The following KMT2A variants were observed in gnomAD, a reference collection of about 807,000 sequenced individuals.
KMT2A encodes lysine methyltransferase 2A.
KMT2A carries 16 observed loss-of-function variants against 345.3 expected under a neutral mutation model. The ratio of observed to expected loss-of-function variants is 0.05; its 90% CI spans 0.03 to 0.07. The LOEUF (loss-of-function observed/expected upper bound fraction) is 0.07, where lower values mean the gene tolerates loss of function less well. Among genes scored for constraint, KMT2A ranks in the 10% least tolerant of loss-of-function variants. KMT2A has a pLI of 1.00. For synonymous variants in KMT2A, 1,599 were observed against 1,778.6 expected (o/e 0.90, Z 2.54); for missense variants, 3,272 against 4,841.6 (o/e 0.68, Z 9.62).
At chr11:118,462,226 TTACAGGTG>T (rs1387651303) in intron 1 of KMT2A, among the ~76,000 whole-genome samples, 2 of 152,144 alleles carry the variant, frequency 1.3e-5, no homozygotes, top group African/African-American at 4.8e-5. Flanking sequence ...AGTGCTGGGA[TTACAGGTG>T]TGAACCACCA....
Position 118,481,838 on chromosome 11 carries a change from C to T in KMT2A, c.3758C>T (p.Ala1253Val), listed in dbSNP as rs1950138277. 6.2e-7 allele frequency: 1 copy of T among 1,614,012 alleles called. No homozygotes were observed. The highest frequency in any genetic ancestry group is 8.5e-7 in the Non-Finnish European group (1 of 1,180,028). ...ACCCCATCAGCAAGAGAGGATCCTG[C>T]CCCAAAGAAAAGCAGTAGTGAGCCT... ...KPTPSAREDPAPKKSSSEPPP... is the reference protein window; with the variant it reads ...KPTPSAREDPVPKKSSSEPPP... The change falls in exon 7 of 36, where the codon GCC becomes GTC. Residue 1253 changes from alanine to valine, a missense_variant. This residue lies in a region of KMT2A where 168 missense variants were observed against 216.0 expected (regional missense o/e 0.78). Transcript: ENST00000534358.
chr11:118,471,726 C>G lies in KMT2A; in HGVS notation c.567C>G (p.Ile189Met). 2.5e-6 allele frequency: 4 copies of G among 1,606,786 alleles called. No individual in the cohort carries two copies. Among genetic ancestry groups the G allele is most frequent in the Non-Finnish European group, 3.4e-6 (4 of 1,178,180 alleles). The change falls in exon 3 of 36, where the codon ATC (isoleucine) becomes ATG (methionine). Residue 189 changes from isoleucine (I) to methionine (M), a missense_variant. Ile to Met is a conservative substitution (Grantham distance 10). Transcript: ENST00000534358. ...PRSGSDRNSA[I>M]LSDPSVFSPL... ...GTGGCTCTGACCGAAATTCAGCTAT[C>G]CTCTCAGATCCATCTGTGTTTTCCC... is the stretch of plus-strand genomic sequence containing the variant.
At position 118,484,448 on chromosome 11, in the gene KMT2A, G is replaced by A; in HGVS notation, c.4218+134G>A. ...TGAATAAGAACTCCCATTAGCAGGT[G>A]GGTTTAGCGCTGGGAGAGCTTTGGT... On this transcript the variant is annotated intron_variant, in intron 9 of 35. Coordinates refer to ENST00000534358, the MANE Select transcript of KMT2A (RefSeq NM_001197104.2). The surrounding 1 kb of genome is among the most constrained non-coding windows in gnomAD (Gnocchi z 4.1). The A allele has an allele frequency of 1.1e-6, 1 of 923,756 alleles. No homozygotes were observed. Among genetic ancestry groups the A allele is most frequent in the South Asian group, 1.7e-5 (1 of 58,906 alleles). 57.2% of individuals were successfully genotyped at this position (923,756 alleles called of 1,614,324 possible).
Position 118,520,563 on chromosome 11 carries a change from A to C in KMT2A, c.11430-239A>C, listed in dbSNP as rs1950938499. 2.0e-6 allele frequency: 1 copy of C among 502,826 alleles called. No individual in the cohort carries two copies. Among genetic ancestry groups the C allele is most frequent in the Admixed American group, 3.2e-5 (1 of 30,846 alleles). 31.1% of individuals were successfully genotyped at this position (502,826 alleles called of 1,614,324 possible). A position where few individuals can be genotyped will look rare whatever the true frequency, so the allele number is the denominator to read the frequency against. On this transcript the variant is annotated intron_variant, in intron 33 of 35. Coordinates refer to ENST00000534358, the MANE Select transcript of KMT2A (RefSeq NM_001197104.2). This position sits in a 1 kb window ranked among gnomAD's most constrained non-coding sequence, Gnocchi z 4.3. ...CTACTCAGCAGGCTGAGGCAAGAGA[A>C]TCGCTTGAACCCAGGAGGCGGAGGT... is the stretch of plus-strand genomic sequence containing the variant.
chr11:118,506,006 T>A lies in KMT2A; in HGVS notation c.10114T>A (p.Leu3372Met), dbSNP rs782106829. The change falls in exon 27 of 36, where the codon TTG becomes ATG. Residue 3372 changes from leucine to methionine, a missense_variant. Around this residue, in one of 27 missense-constraint regions of KMT2A, gnomAD observed 748 missense variants for 922.2 expected, o/e 0.81. Coordinates refer to ENST00000534358, the MANE Select transcript of KMT2A (RefSeq NM_001197104.2). ...PGHVTLTNPR[L>M]LGTPDIGSIS... ...ACACGTCACCTTAACCAACCCAAGG[T>A]TGCTTGGTACCCCAGATATTGGCTC... 4 of 1,614,176 alleles carry A rather than the reference T, an allele frequency of 2.5e-6. No homozygotes were observed. The South Asian group carries it at 4.4e-5, about 18-fold the overall frequency.
intron 1 of KMT2A, 91 bp from the exon 2 acceptor site, chr11:118,468,684 A>G: frequency 1.0e-6 from 1 of 976,718 alleles, no homozygotes; most frequent in Non-Finnish European, 1.6e-6. Flanking sequence ...ACTTTTCCAA[A>G]TTCATTTGTG....
chr11:118,514,325 C>A (rs1555050950), intron 31 of KMT2A, among the ~76,000 whole-genome samples: 1 of 152,218 alleles, frequency 6.6e-6, no homozygotes, highest in African/African-American at 2.4e-5. Context: ...TGGCGAGGTC[C>A]TCTTCAGCCG....
intron 4 of KMT2A, among the ~76,000 whole-genome samples, chr11:118,477,756 C>T (rs1950065875): frequency 6.6e-6 from 1 of 151,900 alleles, no homozygotes; most frequent in African/African-American, 2.4e-5. Flanking sequence ...ATCTGCCTGG[C>T]TCAGCCTCCC....
rs1555036247 is a variant in KMT2A at position 118,473,132 on chromosome 11, C to G, written c.1973C>G (p.Pro658Arg). 2 of 1,614,136 alleles carry G rather than the reference C, an allele frequency of 1.2e-6. No individual in the cohort carries two copies. Among genetic ancestry groups the G allele is most frequent in the Non-Finnish European group, 1.7e-6 (2 of 1,180,038 alleles). The change falls in exon 3 of 36, where the codon CCC becomes CGC. Residue 658 changes from proline (P) to arginine (R), a missense_variant. Physicochemically the swap from Pro to Arg is moderately radical, Grantham distance 103 (BLOSUM62 -2). Coordinates refer to ENST00000534358, the MANE Select transcript of KMT2A (RefSeq NM_001197104.2). The surrounding 1 kb of genome is among the most constrained non-coding windows in gnomAD (Gnocchi z 5.2). ...FDNFRPPPLT[P>R]EDVGFASGFS... ...AATTTCCGACCCCCTCCACTAACTC[C>G]CGAGGACGTTGGCTTTGCATCTGGT...
intron 3 of KMT2A, among the ~76,000 whole-genome samples, chr11:118,475,825 A>AT (rs1383900555): frequency 5.9e-5 from 9 of 152,220 alleles, no homozygotes; most frequent in Admixed American, 2.0e-4. Flanking sequence ...GATGGGACTT[A>AT]TTTTTAACAC....
At position 118,472,888 on chromosome 11, in the gene KMT2A, A is replaced by G. The variant is rs782733922; in HGVS notation, c.1729A>G (p.Ser577Gly). 1.2e-6 allele frequency: 2 copies of G among 1,613,974 alleles called. No individual in the cohort carries two copies. Among genetic ancestry groups the G allele is most frequent in the Non-Finnish European group, 8.5e-7 (1 of 1,179,980 alleles). ...TPPPPLQPAS[S>G]ISDHTPWLMP... Reference sequence around the variant, plus strand: ...ACCGCCACCACTGCAGCCAGCCTCCAGTATCTCTGACCACACACCTTGGCT... The same window carrying G: ...ACCGCCACCACTGCAGCCAGCCTCCGGTATCTCTGACCACACACCTTGGCT... Residue 577 changes from serine (S) to glycine (G), a missense_variant, in exon 3 of 36, where the codon AGT (serine) becomes GGT (glycine). By Grantham distance (56) the Ser-to-Gly change is moderately conservative. Around this residue, in one of 27 missense-constraint regions of KMT2A, gnomAD observed 180 missense variants for 190.7 expected, o/e 0.94. Coordinates refer to ENST00000534358, the MANE Select transcript of KMT2A (RefSeq NM_001197104.2).
chr11:118,466,178 T>A (rs1333801112), intron 1 of KMT2A, among the ~76,000 whole-genome samples: 1 of 151,896 alleles, frequency 6.6e-6, no homozygotes, highest in Non-Finnish European at 1.5e-5. Flanking sequence ...TAAATAATTT[T>A]AAAATTAGCT....
In KMT2A at chr11:118,468,826, C is replaced by G. The variant is rs1555034791; in HGVS notation, c.484C>G (p.Pro162Ala). Residue 162 changes from proline to alanine, a missense_variant, in exon 2 of 36, where the codon CCC (proline) becomes GCC (alanine). Transcript: ENST00000534358. ...GSDEEVRVRS[P>A]TRSPSVKTSP... Reference sequence around the variant, plus strand: ...AGATGAAGAAGTCAGAGTGCGAAGTCCCACAAGGTCTCCTTCAGGTACGGC... The same window carrying G: ...AGATGAAGAAGTCAGAGTGCGAAGTGCCACAAGGTCTCCTTCAGGTACGGC... The G allele has an allele frequency of 6.2e-7, 1 of 1,613,020 alleles. No individual in the cohort carries two copies.
In KMT2A at chr11:118,494,179, G is replaced by T; in HGVS notation, c.5179-109G>T. The T allele has an allele frequency of 3.0e-6, 2 of 658,554 alleles. No individual in the cohort carries two copies. Among genetic ancestry groups the T allele is most frequent in the Admixed American group, 2.5e-5 (1 of 39,958 alleles). 40.8% of individuals were successfully genotyped at this position (658,554 alleles called of 1,614,324 possible). On this transcript the variant is annotated intron_variant, in intron 16 of 35. Coordinates refer to ENST00000534358, the MANE Select transcript of KMT2A (RefSeq NM_001197104.2). This position sits in a 1 kb window ranked among gnomAD's most constrained non-coding sequence, Gnocchi z 5.8. Reference sequence around the variant, plus strand: ...GAGTATTATACCACATTAAAATAGGGTGTGAGTTTTCTGTTGGATCTCTGT... The same window carrying T: ...GAGTATTATACCACATTAAAATAGGTTGTGAGTTTTCTGTTGGATCTCTGT...
At position 118,522,305 on chromosome 11, in the gene KMT2A, C is replaced by T. The variant is rs1379130990; in HGVS notation, c.*133C>T. 2.3e-5 allele frequency: 18 copies of T among 767,528 alleles called. No homozygotes were observed. The highest frequency in any genetic ancestry group is 3.5e-5 in the African/African-American group (2 of 57,394). 47.5% of individuals were successfully genotyped at this position (767,528 alleles called of 1,614,324 possible). ...GAGGGGCCTCTGTGATGGCTGAGCT[C>T]TCTTATGTCCTATACTCACATCAGA... On this transcript the variant is annotated 3_prime_UTR_variant, in exon 36 of 36. Transcript: ENST00000534358. The surrounding 1 kb of genome is among the most constrained non-coding windows in gnomAD (Gnocchi z 5.4).
chr11:118,446,431 T>G (rs1425698983), intron 1 of KMT2A, among the ~76,000 whole-genome samples: 3 of 152,192 alleles, frequency 2.0e-5, no homozygotes, highest in African/African-American at 4.8e-5. Context: ...CCTCAGAAAC[T>G]GAGGCACAGA....
At chr11:118,508,399 T>G (rs374068637) in intron 28 of KMT2A, among the ~76,000 whole-genome samples, 48 of 152,204 alleles carry the variant, frequency 3.2e-4, no homozygotes, top group African/African-American at 1.1e-3. Context: ...AGTCCTCTAT[T>G]GATATACATT....
intron 15 of KMT2A, among the ~76,000 whole-genome samples, chr11:118,492,451 G>A (rs903003864): frequency 1.3e-5 from 2 of 152,212 alleles, no homozygotes; most frequent in Non-Finnish European, 2.9e-5. Flanking sequence ...AGGCCGAGGC[G>A]GGCGGATCAC....
In KMT2A at chr11:118,524,932, TCTC is replaced by T. The variant is rs1370615715; in HGVS notation, c.*2763_*2765del. On this transcript the variant is annotated 3_prime_UTR_variant, in exon 36 of 36. Transcript: ENST00000534358. ...ACAGGGGAGGAACCCACAGCTTCCTTCTCCTGCCAGCTGCAGATGGTTTGCCTT... is the reference window on the plus strand; with the variant it reads ...ACAGGGGAGGAACCCACAGCTTCCTTCTGCCAGCTGCAGATGGTTTGCCTT... 4 of 202,350 alleles carry T rather than the reference TCTC, an allele frequency of 2.0e-5. No homozygotes were observed. The highest frequency in any genetic ancestry group is 1.8e-4 in the Admixed American group (3 of 16,618). The allele number at this position is 202,350 out of a possible 1,614,324, so 12.5% of individuals were successfully genotyped here.
Sources: gnomAD v4.1 joint callset for allele counts (sites outside exome capture counted in the v4.1 genomes callset) on GRCh38, gnomAD v4.1.1 for gene constraint, gnomAD v4.1.1 regional missense constraint, Gnocchi (gnomAD v3.1) non-coding constraint, MANE v1.5 for transcripts, NCBI Gene and HGNC (gene_info 2026-07-23, HGNC 2026-07-21) for gene names.